WASF1: variants seen among roughly 807,000 people sequenced by gnomAD.
WASF1 encodes WASP family member 1, also known as actin-binding protein WASF1.
A neutral mutation model predicts 50.5 loss-of-function variants in WASF1; 7 were observed. The ratio of observed to expected loss-of-function variants is 0.14; its 90% CI spans 0.08 to 0.26. The LOEUF (loss-of-function observed/expected upper bound fraction) is 0.26, where lower values mean the gene tolerates loss of function less well. Ranked by LOEUF, WASF1 falls within the 10% of genes least tolerant of loss-of-function variation. WASF1 has a pLI of 1.00. For synonymous variants in WASF1, 205 were observed against 244.0 expected, an observed-to-expected ratio of 0.84 and a Z score of 1.49; for missense variants, 470 against 694.7, an observed-to-expected ratio of 0.68 and a Z score of 3.64.
At chr6:110,141,532 C>T (rs574376568) in intron 3 of WASF1, among the ~76,000 whole-genome samples, 8 of 152,234 alleles carry the variant, frequency 5.3e-5, no homozygotes, top group African/African-American at 1.9e-4. Flanking sequence ...CGAATTACTA[C>T]CAATTATACT....
chr6:110,174,997 A>G (rs1366744294), intron 2 of WASF1, among the ~76,000 whole-genome samples: 1 of 152,098 alleles, frequency 6.6e-6, no homozygotes, highest in Admixed American at 6.6e-5. Flanking sequence ...GCTTACAACA[A>G]AACTGTCCTC....
chr6:110,167,477 C>G (rs558167136), intron 2 of WASF1, among the ~76,000 whole-genome samples: 2 of 151,910 alleles, frequency 1.3e-5, no homozygotes, highest in Non-Finnish European at 2.9e-5. Flanking sequence ...CCTGCGTAGG[C>G]CTAGGATAAG....
chr6:110,105,283 T>A, intron 8 of WASF1, 124 bp downstream of exon 8: 1 of 1,059,750 alleles, frequency 9.4e-7, no homozygotes, highest in Non-Finnish European at 1.3e-6. Flanking sequence ...GATTTTGAAA[T>A]AATCTCTATA....
chr6:110,109,031 C>T (rs1395675051), intron 5 of WASF1, among the ~76,000 whole-genome samples: 1 of 152,158 alleles, frequency 6.6e-6, no homozygotes, highest in East Asian at 1.9e-4. Flanking sequence ...CTCCTATAAT[C>T]TTCTTTTCCA....
At chr6:110,129,845 T>G (rs1435241740) in intron 3 of WASF1, among the ~76,000 whole-genome samples, 1 of 152,226 alleles carries the variant, frequency 6.6e-6, no homozygotes, top group Admixed American at 6.5e-5. Flanking sequence ...AGAAGAGGTT[T>G]TACTGTCTTG....
chr6:110,137,647 T>C (rs1775028902), intron 3 of WASF1, among the ~76,000 whole-genome samples: 1 of 152,212 alleles, frequency 6.6e-6, no homozygotes, highest in Admixed American at 6.5e-5. Flanking sequence ...ACCTCTTCCT[T>C]CTTCACTGCT....
intron 5 of WASF1, 71 bp from the exon 6 acceptor site, chr6:110,108,752 T>C: frequency 6.9e-7 from 1 of 1,443,628 alleles, no homozygotes; most frequent in South Asian, 1.3e-5. Context: ...CAAATTCACA[T>C]ACTTTATTTG....
intron 3 of WASF1, among the ~76,000 whole-genome samples, chr6:110,145,276 A>G (rs1022469047): frequency 9.2e-5 from 14 of 152,202 alleles, no homozygotes; most frequent in Non-Finnish European, 1.9e-4. Context: ...TTATTGGTGT[A>G]TAAGAATGCT....
intron 2 of WASF1, among the ~76,000 whole-genome samples, chr6:110,171,729 A>T (rs1306645475): frequency 6.6e-6 from 1 of 152,180 alleles, no homozygotes; most frequent in Non-Finnish European, 1.5e-5. Flanking sequence ...AGAAACTACC[A>T]TCAGAGCGAA....
In WASF1 at chr6:110,100,422, A is replaced by G. The variant is rs1231678294; in HGVS notation, c.*100T>C. ...AGGAAAAGGGTCATTTATTATAAGG[A>G]AAAGAAAGCAAAACACTAGAATGAC... is the stretch of plus-strand genomic sequence containing the variant. On this transcript the variant is annotated 3_prime_UTR_variant, in exon 11 of 11. Transcript: ENST00000392589. The G allele has an allele frequency of 1.7e-6, 2 of 1,166,796 alleles. No homozygotes were observed. Among genetic ancestry groups the G allele is most frequent in the Non-Finnish European group, 2.3e-6 (2 of 875,644 alleles). 72.3% of individuals were successfully genotyped at this position (1,166,796 alleles called of 1,614,324 possible).
At chr6:110,168,707 A>T (rs1373234598) in intron 2 of WASF1, among the ~76,000 whole-genome samples, 1 of 152,092 alleles carries the variant, frequency 6.6e-6, no homozygotes, top group African/African-American at 2.4e-5. Flanking sequence ...CCTGAGGAGT[A>T]GCACCTTTCC....
rs768168941 is a variant in WASF1 at position 110,100,579 on chromosome 6, A to C, written c.1623T>G (p.Val541=). Residue 541 remains valine (V), a synonymous_variant, in exon 11 of 11, where the codon GTT becomes GTG. Coordinates refer to ENST00000392589, the MANE Select transcript of WASF1 (RefSeq NM_003931.3). ...VATILSRRIA[V]EYSDSEDDSE... is the part of the protein sequence containing the mutation. ...AATCATCTTCCGAATCACTATATTC[A>C]ACAGCAATACGGCGAGACAGGATGG... is the stretch of plus-strand genomic sequence containing the variant. The C allele has an allele frequency of 3.7e-5, 59 of 1,613,718 alleles. No individual in the cohort carries two copies. Among genetic ancestry groups the C allele is most frequent in the Non-Finnish European group, 4.5e-5 (53 of 1,179,882 alleles).
At chr6:110,161,774 T>C (rs890193921) in intron 2 of WASF1, among the ~76,000 whole-genome samples, 5 of 151,556 alleles carry the variant, frequency 3.3e-5, no homozygotes, top group African/African-American at 4.8e-5. Flanking sequence ...ACCATGTTAC[T>C]TTGCACTTTA....
intron 3 of WASF1, among the ~76,000 whole-genome samples, chr6:110,134,419 G>A (rs924477866): frequency 2.0e-5 from 3 of 147,014 alleles, no homozygotes; most frequent in Non-Finnish European, 4.5e-5. Flanking sequence ...TGTTCTATGT[G>A]CCCTTTTTTT....
chr6:110,141,907 G>T (rs905964945), intron 3 of WASF1, among the ~76,000 whole-genome samples: 2 of 151,990 alleles, frequency 1.3e-5, no homozygotes, highest in African/African-American at 4.8e-5. Context: ...GAGTAGCTGG[G>T]ATTACAGGTG....
intron 10 of WASF1, among the ~76,000 whole-genome samples, chr6:110,100,934 C>T (rs1239857999): frequency 6.6e-6 from 1 of 152,140 alleles, no homozygotes; most frequent in East Asian, 1.9e-4. Context: ...ACTATACCTC[C>T]CTGCTCACCA....
intron 4 of WASF1, among the ~76,000 whole-genome samples, chr6:110,122,109 A>C (rs1221764447): frequency 6.6e-6 from 1 of 152,118 alleles, no homozygotes; most frequent in Non-Finnish European, 1.5e-5. Flanking sequence ...GGGTGCAGCA[A>C]ACCACCATGG....
At chr6:110,108,464 G>A (rs1440770225) in intron 6 of WASF1, 64 bp downstream of exon 6, 2 of 1,481,548 alleles carry the variant, frequency 1.3e-6, no homozygotes, top group Non-Finnish European at 1.8e-6. Context: ...AATGTTTGGG[G>A]ATTTAGCATT....
chr6:110,161,960 TC>T (rs1379025093), intron 2 of WASF1, among the ~76,000 whole-genome samples: 1 of 151,518 alleles, frequency 6.6e-6, no homozygotes, highest in Admixed American at 6.6e-5. Flanking sequence ...GACTTTGTTA[TC>T]ACCAAATGAG....
Sources: gnomAD v4.1 joint callset for allele counts (sites outside exome capture counted in the v4.1 genomes callset) on GRCh38, gnomAD v4.1.1 for gene constraint, MANE v1.5 for transcripts, NCBI Gene and HGNC (gene_info 2026-07-23, HGNC 2026-07-21) for gene names.